The following RBFOX1 variants were observed in gnomAD, a reference collection of about 807,000 sequenced individuals.
RBFOX1 encodes the protein RNA binding protein fox-1 homolog 1.
A neutral mutation model predicts 57.7 loss-of-function variants in RBFOX1; 8 were observed. The ratio of observed to expected loss-of-function variants is 0.14; its 90% CI spans 0.08 to 0.25. The LOEUF (loss-of-function observed/expected upper bound fraction) is 0.25. RBFOX1 is among the 10% of genes least tolerant of loss of function. RBFOX1 has a pLI of 1.00. For synonymous variants in RBFOX1, 326 were observed against 222.4 expected (o/e 1.47, Z -4.15); for missense variants, 611 against 548.5 (o/e 1.11, Z -1.14).
chr16:5,741,137 C>T (rs139404049), intron 3 of RBFOX1, among the ~76,000 whole-genome samples: 3 of 152,288 alleles, frequency 2.0e-5, no homozygotes, highest in Non-Finnish European at 4.4e-5. Context: ...GGTCCAGTGT[C>T]ATCTATGGCC....
intron 1 of RBFOX1, among the ~76,000 whole-genome samples, chr16:6,137,575 G>A (rs1204574425): frequency 1.3e-5 from 2 of 151,054 alleles, no homozygotes; most frequent in South Asian, 2.1e-4. Flanking sequence ...CAAAGTGCTG[G>A]GATTATAGGT....
intron 3 of RBFOX1, among the ~76,000 whole-genome samples, chr16:5,606,542 A>C (rs1835928437): frequency 6.6e-6 from 1 of 151,860 alleles, no homozygotes; most frequent in African/African-American, 2.4e-5. Context: ...CAACTCCCTA[A>C]ATTATATCAC....
chr16:7,497,061 C>G (rs904383445), intron 4 of RBFOX1, among the ~76,000 whole-genome samples: 2 of 152,120 alleles, frequency 1.3e-5, no homozygotes, highest in Admixed American at 6.5e-5. Flanking sequence ...CTGTCTCCAG[C>G]CTACCAGCCA....
chr16:5,911,661 C>T (rs535253513), intron 4 of RBFOX1, among the ~76,000 whole-genome samples: 5 of 152,132 alleles, frequency 3.3e-5, no homozygotes, highest in African/African-American at 9.7e-5. Flanking sequence ...CACTTCTAAA[C>T]AGCAGAGATT....
intron 1 of RBFOX1, among the ~76,000 whole-genome samples, chr16:5,334,453 T>C (rs1259558645): frequency 6.6e-6 from 1 of 152,084 alleles, no homozygotes; most frequent in Non-Finnish European, 1.5e-5. Flanking sequence ...TCTGGGGTTG[T>C]CTCAGGTCCA....
At chr16:5,379,278 A>T (rs2066070338) in intron 1 of RBFOX1, among the ~76,000 whole-genome samples, 1 of 151,564 alleles carries the variant, frequency 6.6e-6, no homozygotes, top group African/African-American at 2.4e-5. Flanking sequence ...TCATTTTTAA[A>T]ATATGAAAGC....
chr16:6,458,569 A>G (rs1337470002), intron 2 of RBFOX1, among the ~76,000 whole-genome samples: 1 of 152,204 alleles, frequency 6.6e-6, no homozygotes, highest in Admixed American at 6.5e-5. Flanking sequence ...GGCATCAACC[A>G]TTGGTGTTTC....
At position 7,283,720 on chromosome 16, in the gene RBFOX1, G is replaced by T. The variant is rs143336134; in HGVS notation, c.27+231622G>T. ...TAGGGTCACCCAGAGCTTGCCAGAA[G>T]TGAGAAAGGATCTCTTCTGGACTTG... On this transcript the variant is annotated intron_variant, in intron 4 of 15. Coordinates refer to ENST00000550418, the MANE Select transcript of RBFOX1 (RefSeq NM_018723.4). Among the ~76,000 whole-genome samples the T allele has an allele frequency of 4.3e-3, 659 of 152,254 alleles. 2 individuals carry two copies. Among genetic ancestry groups the T allele is most frequent in the African/African-American group, 0.015 (619 of 41,560 alleles).
At chr16:5,593,330 G>C (rs1006568151) in intron 2 of RBFOX1, among the ~76,000 whole-genome samples, 2 of 151,786 alleles carry the variant, frequency 1.3e-5, no homozygotes, top group Non-Finnish European at 1.5e-5. Flanking sequence ...ATCACATACC[G>C]GGGCCTGTCA....
At chr16:7,060,791 C>T (rs952500186) in intron 4 of RBFOX1, among the ~76,000 whole-genome samples, 1 of 152,174 alleles carries the variant, frequency 6.6e-6, no homozygotes, top group Non-Finnish European at 1.5e-5. Flanking sequence ...TCTCCCCTCA[C>T]TTAAGAAAAG....
At chr16:5,306,700 C>T (rs778545461) in intron 1 of RBFOX1, among the ~76,000 whole-genome samples, 1 of 152,110 alleles carries the variant, frequency 6.6e-6, no homozygotes, top group Non-Finnish European at 1.5e-5. Context: ...AGGTTGCTTC[C>T]GAGAGAGCAC....
intron 4 of RBFOX1, among the ~76,000 whole-genome samples, chr16:7,283,537 GTGT>G (rs1046632207): frequency 1.3e-5 from 2 of 152,016 alleles, no homozygotes; most frequent in African/African-American, 2.4e-5. Flanking sequence ...CCTCCCCTCT[GTGT>G]TGGCCAGGGA....
chr16:6,444,879 T>A lies in RBFOX1; in HGVS notation c.-64+127822T>A, dbSNP rs142099324. ...TGAGAACAGGGAGTCACACACAGGT[T>A]TGAAGCAGAAAAATGGAACGGCCAG... On this transcript the variant is annotated intron_variant, in intron 2 of 15. Coordinates refer to ENST00000550418, the MANE Select transcript of RBFOX1 (RefSeq NM_018723.4). Among the ~76,000 whole-genome samples, 812 of 152,212 alleles carry A rather than the reference T, an allele frequency of 5.3e-3. 5 individuals are homozygous for A. Among genetic ancestry groups the A allele is most frequent in the African/African-American group, 0.019 (781 of 41,536 alleles).
chr16:6,323,792 A>G (rs2152793569), intron 2 of RBFOX1, among the ~76,000 whole-genome samples: 1 of 148,824 alleles, frequency 6.7e-6, no homozygotes, highest in African/African-American at 2.5e-5. Context: ...TTTTTTTTTG[A>G]GATAGAGTCT....
intron 3 of RBFOX1, among the ~76,000 whole-genome samples, chr16:5,613,323 A>G (rs1199756046): frequency 2.0e-5 from 3 of 152,202 alleles, no homozygotes; most frequent in Non-Finnish European, 4.4e-5. Context: ...GGGTTCCCCA[A>G]TATAAGCCTA....
chr16:7,282,156 C>T (rs574700761), intron 4 of RBFOX1, among the ~76,000 whole-genome samples: 2 of 152,294 alleles, frequency 1.3e-5, no homozygotes, highest in East Asian at 1.9e-4. Flanking sequence ...AGCCACTGTA[C>T]CTGGCCGACT....
At position 5,380,949 on chromosome 16, in the gene RBFOX1, C is replaced by T. The variant is rs576209714; in HGVS notation, c.220-86267C>T. On this transcript the variant is annotated intron_variant, in intron 1 of 2. Coordinates refer to the RBFOX1 transcript ENST00000585867. ...CACCTTTTTATGCACTAAAATGGCACTGCCCATCACTTGAGGTTTGGCAAT... is the reference window on the plus strand; with the variant it reads ...CACCTTTTTATGCACTAAAATGGCATTGCCCATCACTTGAGGTTTGGCAAT... Among the ~76,000 whole-genome samples, 6 of 152,334 alleles carry T rather than the reference C, an allele frequency of 3.9e-5. No individual in the cohort carries two copies. The East Asian group carries it at 9.6e-4, about 24-fold the overall frequency.
At chr16:7,119,828 T>C (rs1160674360) in intron 4 of RBFOX1, among the ~76,000 whole-genome samples, 1 of 152,154 alleles carries the variant, frequency 6.6e-6, no homozygotes, top group Non-Finnish European at 1.5e-5. Flanking sequence ...GTAGAAGTAC[T>C]GAACAACACC....
At chr16:6,744,440 A>G (rs62017584) in intron 3 of RBFOX1, among the ~76,000 whole-genome samples, 12,687 of 152,158 alleles carry the variant, frequency 0.083, 760 homozygotes, top group Non-Finnish European at 0.12. Flanking sequence ...GAAAAGAGCT[A>G]TTCTGGGCTG....
Sources: gnomAD v4.1 joint callset for allele counts (sites outside exome capture counted in the v4.1 genomes callset) on GRCh38, gnomAD v4.1.1 for gene constraint, MANE v1.5 for transcripts, NCBI Gene and HGNC (gene_info 2026-07-23, HGNC 2026-07-21) for gene names.